The following SEC24B variants were observed in gnomAD, a reference collection of about 807,000 sequenced individuals.
SEC24B encodes the protein SEC24 homolog B, COPII component, also known as protein transport protein Sec24B.
In SEC24B, 45 loss-of-function variants were observed where a neutral mutation model predicts 142.8. That is an observed-to-expected ratio of 0.32 (90% confidence interval 0.25 to 0.40). The LOEUF (loss-of-function observed/expected upper bound fraction) is 0.40, where lower values mean the gene tolerates loss of function less well. Among genes scored for constraint, SEC24B ranks in the 10% least tolerant of loss-of-function variants. The pLI is 1.00. For missense variants in SEC24B, 1,409 were observed against 1,526.8 expected, an observed-to-expected ratio of 0.92 and a Z score of 1.29; for synonymous variants, 574 against 568.2, an observed-to-expected ratio of 1.01 and a Z score of -0.15.
intron 6 of SEC24B, among the ~76,000 whole-genome samples, chr4:109,501,173 A>G (rs962673707): frequency 1.2e-4 from 18 of 152,138 alleles, no homozygotes; most frequent in Admixed American, 2.0e-4. Context: ...TAGTTTTTCT[A>G]TGTTTAGATA....
intron 17 of SEC24B, among the ~76,000 whole-genome samples, chr4:109,526,651 T>C (rs1204510149): frequency 1.3e-5 from 2 of 152,190 alleles, no homozygotes; most frequent in African/African-American, 4.8e-5. Context: ...TCATGCTAAA[T>C]CCAGCTATGC....
chr4:109,484,851 CAAAAA>C (rs36027800), intron 4 of SEC24B, among the ~76,000 whole-genome samples: 3 of 72,738 alleles, frequency 4.1e-5, no homozygotes, highest in Non-Finnish European at 8.8e-5. Flanking sequence ...GACTCTGTCT[CAAAAA>C]AAAAAAAAAA....
chr4:109,521,260 T>A lies in SEC24B; in HGVS notation c.2301+88T>A. 4.0e-6 allele frequency: 4 copies of A among 999,168 alleles called. No individual in the cohort carries two copies. In the South Asian group the frequency reaches 6.0e-5, roughly 15 times the overall value. 61.9% of individuals were successfully genotyped at this position (999,168 alleles called of 1,614,324 possible). ...TTTAACATTTGTTTACTTGATATAT[T>A]AGTATTACAAATAATAGACAATATA... On this transcript the variant is annotated intron_variant, in intron 13 of 23. Transcript: ENST00000265175.
At chr4:109,529,764 G>A (rs1724688698) in intron 18 of SEC24B, among the ~76,000 whole-genome samples, 2 of 152,176 alleles carry the variant, frequency 1.3e-5, no homozygotes, top group South Asian at 4.1e-4. Context: ...TTTGTAGACA[G>A]GGTCTTGCTC....
At chr4:109,458,952 A>G (rs1002304843) in intron 1 of SEC24B, among the ~76,000 whole-genome samples, 6 of 152,062 alleles carry the variant, frequency 3.9e-5, no homozygotes, top group African/African-American at 9.6e-5. Flanking sequence ...TTTTATGTCT[A>G]TTTTAGAAGT....
intron 15 of SEC24B, 52 bp downstream of exon 15, chr4:109,524,993 T>G (rs1724062912): frequency 2.7e-6 from 4 of 1,480,940 alleles, no homozygotes; most frequent in Non-Finnish European, 3.7e-6. Flanking sequence ...TTTTAATGCA[T>G]AATTAAATCT....
At position 109,512,078 on chromosome 4, in the gene SEC24B, A is replaced by G. The variant is rs1737403112; in HGVS notation, c.1898A>G (p.Asn633Ser). 1 of 1,604,594 alleles carries G rather than the reference A, an allele frequency of 6.2e-7. No individual in the cohort carries two copies. ...AAATGCAATTTGTGCTATAGAGTAA[A>G]CGATGGTGAGTTTTAGATTCTTAAT... ...RWKCNLCYRV[N>S]DVPEEFMYNP... is the part of the protein sequence containing the mutation. Residue 633 changes from asparagine to serine, a missense_variant, in exon 9 of 24, where the codon AAC (asparagine) becomes AGC (serine). Transcript: ENST00000265175.
intron 18 of SEC24B, 102 bp from the exon 19 acceptor site, chr4:109,530,185 CTT>C: frequency 1.0e-6 from 1 of 972,096 alleles, no homozygotes; most frequent in Non-Finnish European, 1.5e-6. Context: ...ATCCTAAAAA[CTT>C]AGCTGAATTT....
rs2126069554 is a variant in SEC24B at position 109,520,416 on chromosome 4, C to G, written c.2177C>G (p.Thr726Ser). Residue 726 changes from threonine to serine, a missense_variant, in exon 12 of 24, where the codon ACT (threonine) becomes AGT (serine). Around this residue, in one of 2 missense-constraint regions of SEC24B, gnomAD observed 700 missense variants for 853.3 expected, o/e 0.82. Coordinates refer to ENST00000265175, the MANE Select transcript of SEC24B (RefSeq NM_006323.5). ...ATAGGATTCATGACCTTTGATAGCA[C>G]TATTCATTTCTACAATTTACAAGAA... ...TRIGFMTFDS[T>S]IHFYNLQEGL... The G allele has an allele frequency of 3.7e-6, 6 of 1,612,384 alleles. No individual in the cohort carries two copies. In the East Asian group the frequency reaches 8.9e-5, roughly 24 times the overall value.
intron 1 of SEC24B, among the ~76,000 whole-genome samples, chr4:109,450,284 T>C (rs1180577577): frequency 6.6e-6 from 1 of 152,178 alleles, no homozygotes; most frequent in Non-Finnish European, 1.5e-5. Context: ...ATTTGTGGGC[T>C]TATGTTCAAA....
intron 1 of SEC24B, among the ~76,000 whole-genome samples, chr4:109,456,334 G>GTTTTTTTTTTTTTT (rs70949081): frequency 4.8e-4 from 45 of 94,088 alleles, no homozygotes; most frequent in Non-Finnish European, 5.9e-4. Context: ...GGTTTTTTTT[G>GTTTTTTTTTTTTTT]TTTTTTTTTT....
At chr4:109,476,238 A>C (rs1464610106) in intron 3 of SEC24B, among the ~76,000 whole-genome samples, 1 of 152,078 alleles carries the variant, frequency 6.6e-6, no homozygotes, top group African/African-American at 2.4e-5. Flanking sequence ...CTGCCTGCCT[A>C]GGCCTCCCAA....
intron 6 of SEC24B, among the ~76,000 whole-genome samples, chr4:109,502,578 G>C (rs920135738): frequency 1.1e-4 from 16 of 152,158 alleles, no homozygotes; most frequent in Admixed American, 3.9e-4. Flanking sequence ...GGTGTCAAGA[G>C]TAACTCCTAG....
intron 1 of SEC24B, among the ~76,000 whole-genome samples, chr4:109,435,829 G>A (rs1728360080): frequency 6.6e-6 from 1 of 152,154 alleles, no homozygotes; most frequent in Admixed American, 6.5e-5. Context: ...GACTTGCCCT[G>A]TATTTGGTAA....
intron 22 of SEC24B, among the ~76,000 whole-genome samples, chr4:109,535,153 T>C (rs1367092877): frequency 1.3e-5 from 2 of 152,246 alleles, no homozygotes; most frequent in Admixed American, 1.3e-4. Flanking sequence ...TTCAGTTCTC[T>C]TGGGCATATT....
intron 2 of SEC24B, among the ~76,000 whole-genome samples, chr4:109,467,092 C>T (rs1434371598): frequency 1.3e-5 from 2 of 151,616 alleles, no homozygotes; most frequent in African/African-American, 4.8e-5. Context: ...TTTGGGAGGC[C>T]GAGGCGGGCG....
intron 1 of SEC24B, among the ~76,000 whole-genome samples, chr4:109,461,067 G>A (rs981832040): frequency 6.6e-6 from 1 of 152,068 alleles, no homozygotes; most frequent in African/African-American, 2.4e-5. Flanking sequence ...ATAACATTAG[G>A]CTAATTTTCT....
intron 11 of SEC24B, among the ~76,000 whole-genome samples, chr4:109,519,539 A>C (rs1723378817): frequency 6.6e-6 from 1 of 152,206 alleles, no homozygotes; most frequent in African/African-American, 2.4e-5. Context: ...TTTAGCTTGG[A>C]GTAGGTCAGT....
intron 5 of SEC24B, 55 bp from the exon 6 acceptor site, chr4:109,494,560 G>A (rs908801599): frequency 6.2e-7 from 1 of 1,606,298 alleles, no homozygotes; most frequent in Admixed American, 1.7e-5. Flanking sequence ...CAGGAGTCCA[G>A]TCTTTGTGGA....
Sources: gnomAD v4.1 joint callset for allele counts (sites outside exome capture counted in the v4.1 genomes callset) on GRCh38, gnomAD v4.1.1 for gene constraint, gnomAD v4.1.1 regional missense constraint, MANE v1.5 for transcripts, NCBI Gene and HGNC (gene_info 2026-07-23, HGNC 2026-07-21) for gene names.